Variants in ST3GAL3 observed in about 807,000 individuals in gnomAD.
ST3GAL3 encodes ST3 beta-galactoside alpha-2,3-sialyltransferase 3, also known as CMP-N-acetylneuraminate-beta-1,4-galactoside alpha-2,3-sialyltransferase.
Under a neutral mutation model 50.1 loss-of-function variants are expected in ST3GAL3, and 21 were observed. The observed-to-expected ratio is 0.42, with a 90% CI of 0.30 to 0.60. ST3GAL3 has a LOEUF of 0.60. ST3GAL3 is among the 20% of genes least tolerant of loss of function. The pLI, the probability that ST3GAL3 is intolerant of heterozygous loss-of-function variation, is 0.19. For synonymous variants in ST3GAL3, 183 were observed against 190.0 expected (o/e 0.96, Z 0.30); for missense variants, 353 against 489.4 (o/e 0.72, Z 2.63).
chr1:43,790,853 G>A (rs1262308552), intron 2 of ST3GAL3, among the ~76,000 whole-genome samples: 3 of 151,788 alleles, frequency 2.0e-5, no homozygotes, highest in African/African-American at 7.3e-5. Flanking sequence ...GACCAGGATG[G>A]TCTCGATCTC....
At chr1:43,879,479 T>C (rs1168911036) in intron 5 of ST3GAL3, 1 of 454,896 alleles carries the variant, frequency 2.2e-6, no homozygotes, top group Non-Finnish European at 4.4e-6. Context: ...AAATGATTAT[T>C]TGGACTAGGG....
chr1:43,824,598 G>GCAT, intron 4 of ST3GAL3: 1 of 1,000,482 alleles, frequency 1.0e-6, no homozygotes. Context: ...GGAGAGCATA[G>GCAT]CATTGCAGGA....
Position 43,733,933 on chromosome 1 carries a change from C to T in ST3GAL3, c.-30-2300C>T, listed in dbSNP as rs532983225. Among the ~76,000 whole-genome samples the T allele has an allele frequency of 7.9e-5, 12 of 152,270 alleles. No homozygotes were observed. In the South Asian group the frequency reaches 1.5e-3, roughly 18 times the overall value. The stretch of plus-strand genomic sequence containing the variant: ...GGCCATCCTGGCCAACATGGTGAAA[C>T]CCCATCTCTATTAAAAATACAAAAA... On this transcript the variant is annotated intron_variant, in intron 1 of 11. Coordinates refer to ENST00000347631, the MANE Select transcript of ST3GAL3 (RefSeq NM_006279.5).
At chr1:43,774,183 A>G (rs902143879) in intron 2 of ST3GAL3, among the ~76,000 whole-genome samples, 3 of 152,218 alleles carry the variant, frequency 2.0e-5, no homozygotes, top group Non-Finnish European at 4.4e-5. Context: ...AATATAGACT[A>G]TAATGACAAT....
chr1:43,899,232 T>C lies in ST3GAL3; in HGVS notation c.526T>C (p.Ser176Pro). ...GGVLANKSLG[S>P]RIDDYDIVVR... ...CGTTCTTGCCAACAAGTCTCTGGGG[T>C]CACGAATTGACGACTATGACATTGT... Residue 176 changes from serine to proline, a missense_variant, in exon 8 of 12, where the codon TCA becomes CCA. Ser to Pro is a moderately conservative substitution (Grantham distance 74). Transcript: ENST00000347631. This position sits in a 1 kb window ranked among gnomAD's most constrained non-coding sequence, Gnocchi z 5.4. The C allele has an allele frequency of 6.2e-7, 1 of 1,614,086 alleles. No homozygotes were observed. The highest frequency in any genetic ancestry group is 1.1e-5 in the South Asian group (1 of 91,068).
rs1261866230 is a variant in ST3GAL3 at position 43,899,126 on chromosome 1, G to C, written c.462-42G>C. 14 of 1,613,282 alleles carry C rather than the reference G, an allele frequency of 8.7e-6. No homozygotes were observed. Among genetic ancestry groups the C allele is most frequent in the Admixed American group, 1.7e-5 (1 of 60,002 alleles). On this transcript the variant is annotated intron_variant, in intron 7 of 11. Coordinates refer to ENST00000347631, the MANE Select transcript of ST3GAL3 (RefSeq NM_006279.5). The surrounding 1 kb of genome is among the most constrained non-coding windows in gnomAD (Gnocchi z 5.4). ...AAAGGAGCAGGGAAAGAGACCTGGTGGGCAGCTCTCTGTACAGAGGTCTCC... is the reference window on the plus strand; with the variant it reads ...AAAGGAGCAGGGAAAGAGACCTGGTCGGCAGCTCTCTGTACAGAGGTCTCC...
intron 2 of ST3GAL3, among the ~76,000 whole-genome samples, chr1:43,777,594 A>T (rs1267168789): frequency 2.0e-5 from 3 of 152,240 alleles, no homozygotes; most frequent in Non-Finnish European, 4.4e-5. Context: ...TACACATTAT[A>T]CAAAAATTAA....
At chr1:43,819,388 C>T (rs183513353) in intron 4 of ST3GAL3, among the ~76,000 whole-genome samples, 13 of 152,216 alleles carry the variant, frequency 8.5e-5, no homozygotes, top group Non-Finnish European at 1.2e-4. Flanking sequence ...CCACCGTGCC[C>T]GGCAATTTTA....
chr1:43,930,104 C>A, intron 11 of ST3GAL3, 28 bp from the exon 12 acceptor site: 9 of 1,608,300 alleles, frequency 5.6e-6, no homozygotes, highest in Non-Finnish European at 7.7e-6. Context: ...AGCAAAGGCC[C>A]AACTGATCAC....
At chr1:43,820,679 G>C (rs1207639547) in intron 4 of ST3GAL3, among the ~76,000 whole-genome samples, 3 of 151,824 alleles carry the variant, frequency 2.0e-5, no homozygotes, top group Non-Finnish European at 4.4e-5. Context: ...CCTGCTGCTT[G>C]TATCTACATG....
chr1:43,707,862 C>T (rs1378206958), intron 1 of ST3GAL3, 169 bp downstream of exon 1: 1 of 152,250 alleles, frequency 6.6e-6, no homozygotes, highest in Admixed American at 6.5e-5. Flanking sequence ...AGTCGTCCTT[C>T]GGGCTGGGGG....
At chr1:43,819,859 G>A (rs1254969340) in intron 4 of ST3GAL3, among the ~76,000 whole-genome samples, 4 of 152,122 alleles carry the variant, frequency 2.6e-5, no homozygotes, top group Non-Finnish European at 4.4e-5. Context: ...TTATAAGTGA[G>A]AACATGTGAT....
intron 2 of ST3GAL3, among the ~76,000 whole-genome samples, chr1:43,771,576 C>T (rs7531165): frequency 0.28 from 42,687 of 152,046 alleles, 6,170 homozygotes; most frequent in Middle Eastern, 0.31. Context: ...CCAGGATGGT[C>T]TCGATCTCCT....
chr1:43,758,402 C>T (rs1688933965), intron 2 of ST3GAL3, among the ~76,000 whole-genome samples: 2 of 152,018 alleles, frequency 1.3e-5, no homozygotes, highest in Non-Finnish European at 2.9e-5. Flanking sequence ...AGAAGTGTGC[C>T]TCTATACCTG....
At chr1:43,845,122 A>G (rs1041495549) in intron 5 of ST3GAL3, among the ~76,000 whole-genome samples, 1 of 151,968 alleles carries the variant, frequency 6.6e-6, no homozygotes, top group Non-Finnish European at 1.5e-5. Context: ...TAGCTGGATT[A>G]CAGGTGTGCA....
Position 43,883,551 on chromosome 1 carries a change from G to A in ST3GAL3, c.303-10832G>A, listed in dbSNP as rs776665598. Among the ~76,000 whole-genome samples the A allele has an allele frequency of 5.9e-5, 9 of 152,332 alleles. No homozygotes were observed. In the South Asian group the frequency reaches 1.0e-3, roughly 18 times the overall value. ...GGCCAGCCCTGCAGTGCTGATGCAC[G>A]CCCTGCCTGGCCTTTTCCTTCTGTG... On this transcript the variant is annotated intron_variant, in intron 5 of 11. Coordinates refer to ENST00000347631, the MANE Select transcript of ST3GAL3 (RefSeq NM_006279.5).
At chr1:43,713,801 G>T (rs114643651) in intron 1 of ST3GAL3, among the ~76,000 whole-genome samples, 1 of 152,128 alleles carries the variant, frequency 6.6e-6, no homozygotes, top group Non-Finnish European at 1.5e-5. Context: ...CTCCCGAAGC[G>T]CTGGGTTTAC....
At chr1:43,745,951 T>C (rs985257545) in intron 2 of ST3GAL3, among the ~76,000 whole-genome samples, 1 of 152,212 alleles carries the variant, frequency 6.6e-6, no homozygotes, top group Non-Finnish European at 1.5e-5. Context: ...GATACGCAAA[T>C]ACCATTGTGT....
chr1:43,777,928 G>C (rs981062675), intron 2 of ST3GAL3, among the ~76,000 whole-genome samples: 3 of 152,070 alleles, frequency 2.0e-5, no homozygotes, highest in African/African-American at 7.2e-5. Flanking sequence ...CCATTACTAG[G>C]TATATACTCA....
Sources: gnomAD v4.1 joint callset for allele counts (sites outside exome capture counted in the v4.1 genomes callset) on GRCh38, gnomAD v4.1.1 for gene constraint, Gnocchi (gnomAD v3.1) non-coding constraint, MANE v1.5 for transcripts, NCBI Gene and HGNC (gene_info 2026-07-23, HGNC 2026-07-21) for gene names.